Variants in SCML4 observed in about 807,000 individuals in gnomAD.
The protein encoded by SCML4 is Scm polycomb group protein like 4.
In SCML4, 34 loss-of-function variants were observed where a neutral mutation model predicts 41.1. That is an observed-to-expected ratio of 0.83 (90% CI 0.63 to 1.10). The LOEUF is 1.10. Ranked by LOEUF, SCML4 falls within the 50% of genes least tolerant of loss-of-function variation. The pLI is 0.00. For missense variants in SCML4, 522 were observed against 534.1 expected, an observed-to-expected ratio of 0.98 and a Z score of 0.22; for synonymous variants, 214 against 220.9, an observed-to-expected ratio of 0.97 and a Z score of 0.28.
chr6:107,824,746 G>T (rs748895174), upstream of SCML4, among the ~76,000 whole-genome samples: 16 of 152,086 alleles, frequency 1.1e-4, no homozygotes, highest in Non-Finnish European at 2.2e-4. Flanking sequence ...TCCCAATCCT[G>T]CAGCAGTGTG....
rs1314408887 is a variant in SCML4, at chr6:107,727,008, G to A, written c.683-6015C>T. ...CTAAAAAGTGGAAGAAACTCAAGTGGCTATCAACGAATGAATAAAATTTAA... is the reference window on the plus strand; with the variant it reads ...CTAAAAAGTGGAAGAAACTCAAGTGACTATCAACGAATGAATAAAATTTAA... On this transcript the variant is annotated intron_variant, in intron 5 of 7. Transcript: ENST00000369020. Among the ~76,000 whole-genome samples the A allele has an allele frequency of 2.0e-5, 3 of 152,180 alleles. No individual in the cohort carries two copies. The East Asian group carries it at 5.8e-4, about 29-fold the overall frequency.
chr6:107,826,121 G>A (rs1348109706), upstream of SCML4, among the ~76,000 whole-genome samples: 1 of 151,722 alleles, frequency 6.6e-6, no homozygotes, highest in Non-Finnish European at 1.5e-5. Context: ...GCGCTTGCCT[G>A]TAATCCCAGC....
At chr6:107,833,142 T>C in the SCML4 span, among the ~76,000 whole-genome samples, 1 of 152,340 alleles carries the variant, frequency 6.6e-6, no homozygotes, top group Admixed American at 6.5e-5. Context: ...GTTGGTCATA[T>C]AGTTAGCTGA....
Position 107,708,024 on chromosome 6 carries a change from C to G in SCML4, c.974-13G>C. The G allele has an allele frequency of 6.5e-7, 1 of 1,549,264 alleles. No homozygotes were observed. Among genetic ancestry groups the G allele is most frequent in the Non-Finnish European group, 8.7e-7 (1 of 1,146,932 alleles). ...GAAGGGCTTGAGGCTGGATGGGGCA[C>G]AGAGAGGGAGACCATGAGCCAGTGG... On this transcript the variant is annotated splice_polypyrimidine_tract_variant and intron_variant, in intron 6 of 7. Transcript: ENST00000369020.
chr6:107,716,941 A>G (rs1774867363), intron 6 of SCML4, among the ~76,000 whole-genome samples: 1 of 151,902 alleles, frequency 6.6e-6, no homozygotes, highest in South Asian at 2.1e-4. Flanking sequence ...GAGAATGTGC[A>G]TGGCTGACTG....
At chr6:107,824,026 G>T (rs1388682028) in intron 1 of SCML4, 100 bp downstream of exon 1, 2 of 152,194 alleles carry the variant, frequency 1.3e-5, no homozygotes, top group African/African-American at 4.8e-5. Flanking sequence ...AGGTAGGCAT[G>T]CAACCCAGAA....
chr6:107,802,597 A>C (rs1207992271), intron 1 of SCML4, among the ~76,000 whole-genome samples: 19 of 132,164 alleles, frequency 1.4e-4, no homozygotes, highest in African/African-American at 5.0e-4. Context: ...GAAGGAAGGA[A>C]GGAAGGAAGG....
chr6:107,769,313 T>C (rs955437476), intron 2 of SCML4, among the ~76,000 whole-genome samples: 7 of 152,200 alleles, frequency 4.6e-5, no homozygotes, highest in African/African-American at 1.7e-4. Flanking sequence ...CTATGAACTC[T>C]AGAGCATTGA....
chr6:107,830,569 G>A, the SCML4 span, among the ~76,000 whole-genome samples: 1 of 152,182 alleles, frequency 6.6e-6, no homozygotes, highest in Non-Finnish European at 1.5e-5. Context: ...CCAGTATGTA[G>A]TGCAGAGCCT....
intron 6 of SCML4, among the ~76,000 whole-genome samples, chr6:107,708,862 T>C (rs1022689652): frequency 2.0e-5 from 3 of 152,194 alleles, no homozygotes; most frequent in Non-Finnish European, 1.5e-5. Context: ...TTAGGGTTGA[T>C]TTTTTGTGTG....
At chr6:107,723,383 TA>T (rs1186771642) in intron 5 of SCML4, among the ~76,000 whole-genome samples, 2 of 152,228 alleles carry the variant, frequency 1.3e-5, no homozygotes, top group Admixed American at 1.3e-4. Flanking sequence ...ATATCTCATG[TA>T]ATTTACTGAA....
chr6:107,710,848 G>A (rs1161260807), intron 6 of SCML4, among the ~76,000 whole-genome samples: 1 of 63,906 alleles, frequency 1.6e-5, no homozygotes, highest in African/African-American at 6.2e-5. Context: ...TTCTTATTAT[G>A]ATGATGTCAT....
At chr6:107,707,776 CT>C in intron 7 of SCML4, 89 bp downstream of exon 7, 1 of 1,511,318 alleles carries the variant, frequency 6.6e-7, no homozygotes, top group Non-Finnish European at 9.0e-7. Flanking sequence ...ACCACCTCCC[CT>C]GGCAGCATCC....
intron 6 of SCML4, among the ~76,000 whole-genome samples, chr6:107,709,316 C>T (rs554757650): frequency 1.3e-5 from 2 of 152,286 alleles, no homozygotes; most frequent in South Asian, 4.2e-4. Flanking sequence ...CTGGAGCTGC[C>T]CCTTGCTGGT....
intron 3 of SCML4, among the ~76,000 whole-genome samples, chr6:107,747,602 A>G (rs374933420): frequency 1.1e-4 from 17 of 149,388 alleles, no homozygotes; most frequent in Middle Eastern, 3.6e-3. Context: ...ATAATATTAT[A>G]TAAATGTTAT....
At chr6:107,787,664 C>T (rs1782006170) in intron 1 of SCML4, among the ~76,000 whole-genome samples, 1 of 152,126 alleles carries the variant, frequency 6.6e-6, no homozygotes, top group South Asian at 2.1e-4. Flanking sequence ...ACATACTTTG[C>T]TAATAAAAAT....
At chr6:107,756,498 C>A (rs1779124393) in intron 2 of SCML4, among the ~76,000 whole-genome samples, 2 of 152,068 alleles carry the variant, frequency 1.3e-5, no homozygotes, top group African/African-American at 2.4e-5. Flanking sequence ...ACTTTCCCAG[C>A]CCAGAGGAGC....
intron 1 of SCML4, among the ~76,000 whole-genome samples, chr6:107,772,928 AC>A (rs1471106081): frequency 6.6e-6 from 1 of 152,244 alleles, no homozygotes; most frequent in East Asian, 1.9e-4. Context: ...AGATTTACAT[AC>A]AGGTATGTTC....
chr6:107,706,344 G>A (rs966524455), intron 7 of SCML4, among the ~76,000 whole-genome samples: 1 of 152,192 alleles, frequency 6.6e-6, no homozygotes, highest in African/African-American at 2.4e-5. Flanking sequence ...ATCTGTCCAA[G>A]CATAACCCAC....
Sources: allele counts gnomAD v4.1 joint callset (sites outside exome capture counted in the v4.1 genomes callset), GRCh38; gene constraint gnomAD v4.1.1; transcripts MANE v1.5; gene names NCBI Gene and HGNC (gene_info 2026-07-23, HGNC 2026-07-21).